The following MCF2L2 variants were observed in gnomAD, a reference collection of about 807,000 sequenced individuals.
MCF2L2 encodes the protein MCF.2 cell line derived transforming sequence-like 2, also known as probable guanine nucleotide exchange factor MCF2L2.
A neutral mutation model predicts 150.2 loss-of-function variants in MCF2L2; 102 were observed. The observed-to-expected ratio is 0.68, with a 90% CI of 0.58 to 0.80. The LOEUF is 0.80. Ranked by LOEUF, MCF2L2 falls within the 30% of genes least tolerant of loss-of-function variation. The pLI, the probability that MCF2L2 is intolerant of heterozygous loss-of-function variation, is 0.00. For synonymous variants in MCF2L2, 465 were observed against 491.3 expected (o/e 0.95, Z 0.71); for missense variants, 1,256 against 1,372.8 (o/e 0.91, Z 1.34).
chr3:183,382,015 T>C (rs1713555143), intron 2 of MCF2L2, among the ~76,000 whole-genome samples: 1 of 151,908 alleles, frequency 6.6e-6, no homozygotes, highest in Admixed American at 6.6e-5. Flanking sequence ...CCCTAAAATA[T>C]TCACTAGAAT....
In MCF2L2 at chr3:183,270,640, T is replaced by C. The variant is rs957522638; in HGVS notation, c.1862+6232A>G. Reference sequence around the variant, plus strand: ...CAGACACTAAATTCAAGTCTTTACATAGACGATGTGTTCATGGGCCTCTGT... The same window carrying C: ...CAGACACTAAATTCAAGTCTTTACACAGACGATGTGTTCATGGGCCTCTGT... On this transcript the variant is annotated intron_variant, in intron 15 of 29. Coordinates refer to ENST00000328913, the MANE Select transcript of MCF2L2 (RefSeq NM_015078.4). The surrounding 1 kb of genome is among the most constrained non-coding windows in gnomAD (Gnocchi z 4.5). The C allele has an allele frequency of 4.3e-6, 7 of 1,614,066 alleles. No homozygotes were observed. The highest frequency in any genetic ancestry group is 1.6e-4 in the Middle Eastern group (1 of 6,084).
At chr3:183,368,310 C>T (rs1375943616) in intron 3 of MCF2L2, among the ~76,000 whole-genome samples, 1 of 152,134 alleles carries the variant, frequency 6.6e-6, no homozygotes, top group Non-Finnish European at 1.5e-5. Flanking sequence ...TAATCTAGAC[C>T]ACTGGCCAAC....
intron 6 of MCF2L2, 89 bp downstream of exon 6, chr3:183,323,146 A>G: frequency 1.2e-6 from 1 of 868,248 alleles, no homozygotes; most frequent in Admixed American, 2.0e-5. Context: ...TCACAGGGTG[A>G]CCTCCTGGCA....
intron 25 of MCF2L2, among the ~76,000 whole-genome samples, chr3:183,204,749 C>A (rs2314415): frequency 0.89 from 136,149 of 152,222 alleles, 61,187 homozygotes; most frequent in East Asian, 1. Context: ...AGGGGAAAAA[C>A]CCCAAATCTT....
intron 15 of MCF2L2, among the ~76,000 whole-genome samples, chr3:183,252,498 AAC>A (rs1426553375): frequency 6.6e-6 from 1 of 152,212 alleles, no homozygotes; most frequent in Admixed American, 6.5e-5. Flanking sequence ...TTGAATGAAC[AAC>A]AGTTTTCATT....
chr3:183,294,070 T>C (rs927124035), intron 13 of MCF2L2, among the ~76,000 whole-genome samples: 9 of 152,156 alleles, frequency 5.9e-5, no homozygotes, highest in Admixed American at 5.9e-4. Context: ...GAAAGGTGAT[T>C]CTAAAATTTA....
chr3:183,216,109 T>C lies in MCF2L2; in HGVS notation c.2371-15A>G. ...TTTGGCCCATCCTGTGGAAAACAAA[T>C]GCCTTGTTGGAAATCAAAAGTATAC... On this transcript the variant is annotated splice_polypyrimidine_tract_variant and intron_variant, in intron 21 of 29. Transcript: ENST00000328913. The C allele has an allele frequency of 6.2e-7, 1 of 1,611,354 alleles. No individual in the cohort carries two copies. Among genetic ancestry groups the C allele is most frequent in the Non-Finnish European group, 8.5e-7 (1 of 1,178,736 alleles).
intron 4 of MCF2L2, among the ~76,000 whole-genome samples, chr3:183,340,613 T>C (rs1050092098): frequency 4.6e-5 from 7 of 151,856 alleles, no homozygotes; most frequent in Admixed American, 6.6e-5. Flanking sequence ...TTAAATATCA[T>C]TGTGTCTGGT....
chr3:183,256,223 G>C (rs891973324), intron 15 of MCF2L2, among the ~76,000 whole-genome samples: 1 of 152,124 alleles, frequency 6.6e-6, no homozygotes, highest in South Asian at 2.1e-4. Flanking sequence ...GGAATTCATT[G>C]TATCTGTGTT....
intron 15 of MCF2L2, 108 bp downstream of exon 15, chr3:183,276,764 T>C (rs1727173600): frequency 2.7e-6 from 2 of 737,214 alleles, no homozygotes; most frequent in Middle Eastern, 2.4e-4. Flanking sequence ...GGATAAATAT[T>C]ATGATTCTTA....
chr3:183,379,083 AAG>A (rs1713364042), intron 3 of MCF2L2: 9 of 513,014 alleles, frequency 1.8e-5, no homozygotes, highest in East Asian at 1.1e-4. Context: ...CTGTGTGCAC[AAG>A]AGAGTCAAAA....
intron 3 of MCF2L2, among the ~76,000 whole-genome samples, chr3:183,348,393 G>T (rs1018210771): frequency 7.3e-6 from 1 of 136,506 alleles, no homozygotes; most frequent in African/African-American, 2.8e-5. Flanking sequence ...CACACACCAG[G>T]ACCTGTCAGT....
chr3:183,243,144 C>T (rs768134528), intron 15 of MCF2L2, among the ~76,000 whole-genome samples: 1 of 152,168 alleles, frequency 6.6e-6, no homozygotes, highest in Non-Finnish European at 1.5e-5. Context: ...AGGGACTTGC[C>T]TTGTTTCAGA....
At chr3:183,276,524 T>C (rs1253939987) in intron 15 of MCF2L2, 1 of 217,840 alleles carries the variant, frequency 4.6e-6, no homozygotes, top group Non-Finnish European at 8.9e-6. Context: ...ACAGCATTTG[T>C]ATAAATTTGT....
chr3:183,212,192 C>T (rs954475850), intron 22 of MCF2L2, among the ~76,000 whole-genome samples: 11 of 152,124 alleles, frequency 7.2e-5, no homozygotes, highest in African/African-American at 9.7e-5. Flanking sequence ...TCAGAGGGAA[C>T]GTGGGCCTGC....
intron 15 of MCF2L2, among the ~76,000 whole-genome samples, chr3:183,233,800 A>C (rs1723674991): frequency 6.6e-6 from 1 of 152,218 alleles, no homozygotes; most frequent in Non-Finnish European, 1.5e-5. Context: ...GGGTTTACAT[A>C]ATATTTTAAA....
chr3:183,406,713 T>G (rs1715063313), intron 1 of MCF2L2, among the ~76,000 whole-genome samples: 1 of 152,170 alleles, frequency 6.6e-6, no homozygotes, highest in Non-Finnish European at 1.5e-5. Flanking sequence ...GGTCTCGAAC[T>G]CCTGACCTCA....
At chr3:183,223,886 TAGA>T (rs1445119721) in intron 19 of MCF2L2, among the ~76,000 whole-genome samples, 3 of 152,216 alleles carry the variant, frequency 2.0e-5, no homozygotes, top group African/African-American at 7.2e-5. Flanking sequence ...AAACCCATCT[TAGA>T]AGAAGACACT....
chr3:183,288,481 CTTTTT>C (rs535192977), intron 14 of MCF2L2, among the ~76,000 whole-genome samples: 1 of 135,212 alleles, frequency 7.4e-6, no homozygotes. Context: ...TTGTCATGCT[CTTTTT>C]TTTTTTTTTT....
Sources: allele counts gnomAD v4.1 joint callset (sites outside exome capture counted in the v4.1 genomes callset), GRCh38; gene constraint gnomAD v4.1.1; non-coding constraint Gnocchi (gnomAD v3.1); transcripts MANE v1.5; gene names NCBI Gene and HGNC (gene_info 2026-07-23, HGNC 2026-07-21).